The following SGCD variants were observed in gnomAD, a reference collection of about 807,000 sequenced individuals.
The protein encoded by SGCD is sarcoglycan delta.
Under a neutral mutation model 36.6 loss-of-function variants are expected in SGCD, and 18 were observed. The ratio of observed to expected loss-of-function variants is 0.49; its 90% confidence interval spans 0.34 to 0.73. SGCD has a LOEUF of 0.73. Among genes scored for constraint, SGCD ranks in the 30% least tolerant of loss-of-function variants. The pLI, the probability that SGCD is intolerant of heterozygous loss-of-function variation, is 0.01. For synonymous variants in SGCD, 133 were observed against 130.6 expected (o/e 1.02, Z -0.12); for missense variants, 387 against 346.7 (o/e 1.12, Z -0.92).
At chr5:155,868,515 A>G (rs1428403255), upstream of SGCD, among the ~76,000 whole-genome samples, 1 of 151,958 alleles carries the variant, frequency 6.6e-6, no homozygotes, top group Non-Finnish European at 1.5e-5. Flanking sequence ...TAGGAAGACC[A>G]TTTTAGTAGG....
At chr5:156,153,813 G>C (rs1473097447) in intron 3 of SGCD, among the ~76,000 whole-genome samples, 3 of 151,504 alleles carry the variant, frequency 2.0e-5, no homozygotes, top group Non-Finnish European at 4.4e-5. Flanking sequence ...CCAGTGAAAT[G>C]AATTCATGGT....
At chr5:155,896,345 A>C (rs1319189665) in intron 1 of SGCD, among the ~76,000 whole-genome samples, 1 of 152,014 alleles carries the variant, frequency 6.6e-6, no homozygotes, top group African/African-American at 2.4e-5. Flanking sequence ...GCTGGGTGTG[A>C]ATCCCAGCAC....
intron 1 of SGCD, among the ~76,000 whole-genome samples, chr5:155,922,764 G>A (rs987276322): frequency 2.6e-5 from 4 of 152,116 alleles, no homozygotes; most frequent in African/African-American, 9.7e-5. Context: ...AAGCTTGGAA[G>A]TACATTAAAC....
At chr5:156,742,764 T>C (rs1756750012) in intron 7 of SGCD, among the ~76,000 whole-genome samples, 1 of 152,128 alleles carries the variant, frequency 6.6e-6, no homozygotes, top group South Asian at 2.1e-4. Flanking sequence ...TTAATATAAA[T>C]TCCAATCTGA....
chr5:155,961,398 A>AT (rs1408388453), intron 1 of SGCD, among the ~76,000 whole-genome samples: 1 of 152,038 alleles, frequency 6.6e-6, no homozygotes, highest in African/African-American at 2.4e-5. Context: ...TGTAGCTTCA[A>AT]TTTTTATATT....
chr5:156,402,911 T>C (rs1476008487), intron 3 of SGCD, among the ~76,000 whole-genome samples: 1 of 152,216 alleles, frequency 6.6e-6, no homozygotes, highest in Non-Finnish European at 1.5e-5. Flanking sequence ...TCAGTATTGC[T>C]GGATCATATG....
intron 3 of SGCD, among the ~76,000 whole-genome samples, chr5:156,428,689 A>G (rs1773781840): frequency 6.6e-6 from 1 of 151,918 alleles, no homozygotes; most frequent in African/African-American, 2.4e-5. Flanking sequence ...TAAACTTTCC[A>G]CTTAGCACTG....
At chr5:156,272,643 C>G (rs1370795291) in intron 3 of SGCD, among the ~76,000 whole-genome samples, 3 of 152,200 alleles carry the variant, frequency 2.0e-5, no homozygotes, top group African/African-American at 7.2e-5. Context: ...TCTCAAAGAA[C>G]TAAGCCTTCT....
intron 3 of SGCD, among the ~76,000 whole-genome samples, chr5:156,457,835 T>C (rs1487362727): frequency 6.6e-6 from 1 of 152,178 alleles, no homozygotes; most frequent in Non-Finnish European, 1.5e-5. Flanking sequence ...CTCTAACTTG[T>C]TTTCTTATTT....
At chr5:155,919,178 T>C (rs1225664446) in intron 1 of SGCD, among the ~76,000 whole-genome samples, 1 of 152,220 alleles carries the variant, frequency 6.6e-6, no homozygotes, top group East Asian at 1.9e-4. Flanking sequence ...GAGCTAGAAG[T>C]GGACATGAAT....
intron 3 of SGCD, among the ~76,000 whole-genome samples, chr5:156,159,468 C>T (rs1459294696): frequency 6.6e-6 from 1 of 151,120 alleles, no homozygotes; most frequent in Non-Finnish European, 1.5e-5. Context: ...TTCTCTGAAC[C>T]ACTCATAAAA....
chr5:156,087,357 A>G (rs1761122830), intron 1 of SGCD, among the ~76,000 whole-genome samples: 1 of 152,120 alleles, frequency 6.6e-6, no homozygotes, highest in Non-Finnish European at 1.5e-5. Context: ...ATCTAGTGCC[A>G]GCTGGGCACG....
At chr5:155,983,847 A>G (rs952301199) in intron 1 of SGCD, among the ~76,000 whole-genome samples, 1 of 152,150 alleles carries the variant, frequency 6.6e-6, no homozygotes, top group African/African-American at 2.4e-5. Flanking sequence ...TTATTGCTCT[A>G]CTTATTTATT....
chr5:156,679,806 C>G (rs1753654455), intron 7 of SGCD, among the ~76,000 whole-genome samples: 1 of 152,160 alleles, frequency 6.6e-6, no homozygotes, highest in Non-Finnish European at 1.5e-5. Flanking sequence ...GCTTTTTACT[C>G]CTAACCCCCT....
chr5:156,082,688 C>T (rs1159223560), intron 1 of SGCD, among the ~76,000 whole-genome samples: 3 of 152,098 alleles, frequency 2.0e-5, no homozygotes, highest in Non-Finnish European at 1.5e-5. Flanking sequence ...AATGAATATT[C>T]GTGTTCTAGT....
intron 3 of SGCD, among the ~76,000 whole-genome samples, chr5:156,139,030 C>A (rs1186854289): frequency 1.3e-5 from 2 of 152,046 alleles, no homozygotes; most frequent in East Asian, 3.9e-4. Context: ...GGATTGTTTA[C>A]CTTTTTATTA....
the SGCD span, among the ~76,000 whole-genome samples, chr5:155,801,235 C>A: frequency 2.6e-5 from 4 of 152,116 alleles, no homozygotes; most frequent in South Asian, 2.1e-4. Context: ...AAAACAAAGA[C>A]ATTTCTTGTC....
At chr5:156,585,793 C>G (rs1008028254) in intron 4 of SGCD, among the ~76,000 whole-genome samples, 1 of 152,120 alleles carries the variant, frequency 6.6e-6, no homozygotes, top group African/African-American at 2.4e-5. Context: ...AGATGGGGGC[C>G]TTTCCAAGGT....
chr5:156,629,554 A>G (rs1214964152), intron 6 of SGCD, among the ~76,000 whole-genome samples: 2 of 152,224 alleles, frequency 1.3e-5, no homozygotes, highest in African/African-American at 4.8e-5. Context: ...TTTGTTTTCA[A>G]TTCCAAGGGA....
Sources: allele counts gnomAD v4.1 joint callset (sites outside exome capture counted in the v4.1 genomes callset), GRCh38; gene constraint gnomAD v4.1.1; transcripts MANE v1.5; gene names NCBI Gene and HGNC (gene_info 2026-07-23, HGNC 2026-07-21).